The following CACNA1B variants were observed in gnomAD, a reference collection of about 807,000 sequenced individuals.
CACNA1B encodes the protein calcium voltage-gated channel subunit alpha1 B, also known as voltage-dependent N-type calcium channel subunit alpha-1B.
In CACNA1B, 70 loss-of-function variants were observed where a neutral mutation model predicts 247.2. That is an observed-to-expected ratio of 0.28 (90% CI 0.23 to 0.35). The LOEUF (loss-of-function observed/expected upper bound fraction) is 0.35. CACNA1B is among the 10% of genes least tolerant of loss of function. CACNA1B has a pLI of 1.00. For synonymous variants in CACNA1B, 1,231 were observed against 1,294.4 expected (o/e 0.95, Z 1.05); for missense variants, 2,367 against 3,197.4 (o/e 0.74, Z 6.26).
Position 138,024,748 on chromosome 9 carries a change from C to T in CACNA1B, c.3069-207C>T, listed in dbSNP as rs1040999870. ...GGCTGAAGCGATCCTCCCACCTCAG[C>T]CTTCCCAGCCTGAATAGCTGGGACT... On this transcript the variant is annotated intron_variant, in intron 19 of 46. Transcript: ENST00000371372. 1.1e-4 allele frequency among the ~76,000 whole-genome samples: 17 copies of T among 152,294 alleles called. No individual in the cohort carries two copies. In the East Asian group the frequency reaches 3.3e-3, roughly 29 times the overall value.
intron 15 of CACNA1B, among the ~76,000 whole-genome samples, chr9:137,997,062 TA>T (rs1221747781): frequency 2.0e-5 from 3 of 152,144 alleles, no homozygotes; most frequent in African/African-American, 7.2e-5. Flanking sequence ...ACTAACAGAT[TA>T]AGGTGGATAC....
intron 15 of CACNA1B, among the ~76,000 whole-genome samples, chr9:138,003,356 G>T (rs1958605333): frequency 6.6e-6 from 1 of 150,770 alleles, no homozygotes; most frequent in Admixed American, 6.6e-5. Context: ...AAATTTTTTT[G>T]TAGACAGGGT....
intron 6 of CACNA1B, among the ~76,000 whole-genome samples, chr9:137,951,062 C>T (rs1007111348): frequency 6.6e-6 from 1 of 152,174 alleles, no homozygotes; most frequent in Non-Finnish European, 1.5e-5. Context: ...TCTCCTTTTT[C>T]TCAAGAAGGG....
At position 137,919,859 on chromosome 9, in the gene CACNA1B, C is replaced by T. The variant is rs191180678; in HGVS notation, c.966+2428C>T. ...GCGGGTGGGGCAGCGTGGGGGCACT[C>T]CAGCTTGAGGAGAAATGGCTTTGTC... On this transcript the variant is annotated intron_variant, in intron 6 of 46. Coordinates refer to ENST00000371372, the MANE Select transcript of CACNA1B (RefSeq NM_000718.4). This position sits in a 1 kb window ranked among gnomAD's most constrained non-coding sequence, Gnocchi z 4.6. Among the ~76,000 whole-genome samples, 13 of 152,210 alleles carry T rather than the reference C, an allele frequency of 8.5e-5. No homozygotes were observed. The East Asian group carries it at 1.6e-3, about 18-fold the overall frequency.
In CACNA1B at chr9:137,990,779, T is replaced by A. The variant is rs1958422840; in HGVS notation, c.1974+3925T>A. Among the ~76,000 whole-genome samples the A allele has an allele frequency of 6.6e-6, 1 of 152,194 alleles. No individual in the cohort carries two copies. The highest frequency in any genetic ancestry group is 2.1e-4 in the South Asian group (1 of 4,826). On this transcript the variant is annotated intron_variant, in intron 15 of 46. Coordinates refer to ENST00000371372, the MANE Select transcript of CACNA1B (RefSeq NM_000718.4). This position sits in a 1 kb window ranked among gnomAD's most constrained non-coding sequence, Gnocchi z 4.5. ...CTGAAGATGGATCACATCACAGGACTCTTGACAGACACTCCCCAGTACCAG... is the reference window on the plus strand; with the variant it reads ...CTGAAGATGGATCACATCACAGGACACTTGACAGACACTCCCCAGTACCAG...
chr9:137,974,808 C>A lies in CACNA1B; in HGVS notation c.1544-1099C>A, dbSNP rs997897858. Reference sequence around the variant, plus strand: ...GACTCTCAGGGGCCTGCCCTTCATGCCCTCCCAGGGCCTTGTTCTCCATGT... The same window carrying A: ...GACTCTCAGGGGCCTGCCCTTCATGACCTCCCAGGGCCTTGTTCTCCATGT... On this transcript the variant is annotated intron_variant, in intron 11 of 46. Transcript: ENST00000371372. The surrounding 1 kb of genome is among the most constrained non-coding windows in gnomAD (Gnocchi z 4.5). Among the ~76,000 whole-genome samples the A allele has an allele frequency of 3.9e-5, 6 of 152,224 alleles. No homozygotes were observed. The highest frequency in any genetic ancestry group is 1.3e-4 in the Admixed American group (2 of 15,288).
intron 39 of CACNA1B, among the ~76,000 whole-genome samples, chr9:138,108,437 C>T (rs1187775943): frequency 6.6e-6 from 1 of 151,636 alleles, no homozygotes; most frequent in Non-Finnish European, 1.5e-5. Flanking sequence ...TTGAAGTCTA[C>T]CAACTGTTTA....
chr9:138,099,405 G>A (rs1315290680), intron 37 of CACNA1B, among the ~76,000 whole-genome samples: 1 of 152,168 alleles, frequency 6.6e-6, no homozygotes, highest in African/African-American at 2.4e-5. Flanking sequence ...GTTGTATGTG[G>A]ATGTGTGTAT....
At chr9:137,968,914 T>C (rs1958113555) in intron 10 of CACNA1B, among the ~76,000 whole-genome samples, 2 of 152,256 alleles carry the variant, frequency 1.3e-5, no homozygotes, top group Admixed American at 6.5e-5. Context: ...TTTTTCATTA[T>C]AAAGAATATA....
chr9:137,895,318 A>T (rs1247910382), intron 3 of CACNA1B, among the ~76,000 whole-genome samples: 2 of 152,270 alleles, frequency 1.3e-5, no homozygotes, highest in African/African-American at 4.8e-5. Context: ...TATTTTAGCT[A>T]TTCTAGGTAC....
At chr9:138,055,184 T>C (rs973604650) in intron 26 of CACNA1B, among the ~76,000 whole-genome samples, 1 of 151,930 alleles carries the variant, frequency 6.6e-6, no homozygotes, top group African/African-American at 2.4e-5. Context: ...TGGAGTGCAG[T>C]GCTGCTATTG....
intron 15 of CACNA1B, among the ~76,000 whole-genome samples, chr9:137,992,565 A>C (rs1469398162): frequency 6.6e-6 from 1 of 152,236 alleles, no homozygotes; most frequent in African/African-American, 2.4e-5. Context: ...GAATGAACTT[A>C]AACTATACCC....
At chr9:138,103,153 G>GT (rs1343176839) in intron 38 of CACNA1B, among the ~76,000 whole-genome samples, 3 of 152,152 alleles carry the variant, frequency 2.0e-5, no homozygotes, top group Non-Finnish European at 1.5e-5. Flanking sequence ...CAGACCACTT[G>GT]TTTGACAGAG....
At chr9:138,071,505 A>T (rs1322662286) in intron 32 of CACNA1B, among the ~76,000 whole-genome samples, 1 of 152,070 alleles carries the variant, frequency 6.6e-6, no homozygotes, top group Non-Finnish European at 1.5e-5. Flanking sequence ...GTGCTCGAAC[A>T]TCTGTGGCTG....
At chr9:138,119,071 C>T (rs533378840) in intron 44 of CACNA1B, among the ~76,000 whole-genome samples, 2 of 152,250 alleles carry the variant, frequency 1.3e-5, no homozygotes, top group South Asian at 2.1e-4. Flanking sequence ...GGGGCCCCCA[C>T]TCTGGCTCAG....
chr9:138,042,912 A>G (rs1384923979), intron 20 of CACNA1B, among the ~76,000 whole-genome samples: 1 of 152,340 alleles, frequency 6.6e-6, no homozygotes, highest in South Asian at 2.1e-4. Context: ...GTTTCTTTAA[A>G]GAACTCAAAA....
chr9:137,969,780 G>T (rs1471216521), intron 10 of CACNA1B, among the ~76,000 whole-genome samples: 1 of 152,214 alleles, frequency 6.6e-6, no homozygotes, highest in Non-Finnish European at 1.5e-5. Flanking sequence ...CTGTGTGTGG[G>T]TGCATGGGGG....
At chr9:138,006,732 TG>T in intron 15 of CACNA1B, 34 bp from the exon 16 acceptor site, 1 of 1,281,870 alleles carries the variant, frequency 7.8e-7, no homozygotes, top group Non-Finnish European at 1.1e-6. Context: ...AAGGCGGCCA[TG>T]GGGGCTTGCC....
intron 31 of CACNA1B, among the ~76,000 whole-genome samples, chr9:138,063,377 C>T (rs1959802333): frequency 6.6e-6 from 1 of 152,200 alleles, no homozygotes; most frequent in Non-Finnish European, 1.5e-5. Flanking sequence ...GCCCGTAGTC[C>T]CAGCTACCCA....
Sources: gnomAD v4.1 joint callset for allele counts (sites outside exome capture counted in the v4.1 genomes callset) on GRCh38, gnomAD v4.1.1 for gene constraint, Gnocchi (gnomAD v3.1) non-coding constraint, MANE v1.5 for transcripts, NCBI Gene and HGNC (gene_info 2026-07-23, HGNC 2026-07-21) for gene names.